The following KRT82 variants were observed in gnomAD, a reference collection of about 807,000 sequenced individuals.
KRT82 encodes keratin 82, also known as keratin, type II cuticular Hb2.
Under a neutral mutation model 48.0 loss-of-function variants are expected in KRT82, and 44 were observed. That is an observed-to-expected ratio of 0.92 (90% CI 0.72 to 1.18). The LOEUF (loss-of-function observed/expected upper bound fraction) is 1.18, where lower values mean the gene tolerates loss of function less well. Among genes scored for constraint, KRT82 ranks in the 50% most tolerant of loss-of-function variants. KRT82 has a pLI of 0.00. For synonymous variants in KRT82, 297 were observed against 278.3 expected, an observed-to-expected ratio of 1.07 and a Z score of -0.67; for missense variants, 701 against 671.4, an observed-to-expected ratio of 1.04 and a Z score of -0.49.
intron 5 of KRT82, among the ~76,000 whole-genome samples, chr12:52,398,588 T>C (rs1169030556): frequency 6.6e-6 from 1 of 151,976 alleles, no homozygotes; most frequent in Non-Finnish European, 1.5e-5. Context: ...AATGAGGTGG[T>C]TGTAATCCTG....
intron 5 of KRT82, among the ~76,000 whole-genome samples, chr12:52,399,312 C>G (rs777383849): frequency 2.6e-5 from 4 of 152,244 alleles, no homozygotes; most frequent in Non-Finnish European, 4.4e-5. Context: ...ATGAAAGCGA[C>G]ATGAAGGCAG....
In KRT82 at chr12:52,400,585, T is replaced by C; in HGVS notation, c.719A>G (p.Glu240Gly). The change falls in exon 4 of 9, where the codon GAG (glutamate) becomes GGG (glycine). Residue 240 changes from glutamate (E) to glycine (G), a missense_variant. Physicochemically the swap from Glu to Gly is moderately conservative, Grantham distance 98 (BLOSUM62 -2). Coordinates refer to ENST00000257974, the MANE Select transcript of KRT82 (RefSeq NM_033033.4). The stretch of plus-strand genomic sequence containing the variant: ...CTGCACGAGTGCCTCTGCGTTGGTC[T>C]CCAGGTCAGCCTTCATCAGGAAGGC... ...DTAFLMKADL[E>G]TNAEALVQEI... 1 of 1,614,070 alleles carries C rather than the reference T, an allele frequency of 6.2e-7. No homozygotes were observed. The highest frequency in any genetic ancestry group is 8.5e-7 in the Non-Finnish European group (1 of 1,179,958).
At position 52,403,892 on chromosome 12, in the gene KRT82, C is replaced by T; in HGVS notation, c.429G>A (p.Gln143=). ...SFINKVRFLE[Q]KNKLLETKWN... The stretch of plus-strand genomic sequence containing the variant: ...ACTTGGTCTCCAGCAGCTTGTTCTT[C>T]TGCTCCAGGAAACGGACCTGCAGCC... The change falls in exon 2 of 9, where the codon CAG becomes CAA. Residue 143 remains glutamine (Q), a synonymous_variant. Coordinates refer to ENST00000257974, the MANE Select transcript of KRT82 (RefSeq NM_033033.4). 1 of 1,613,898 alleles carries T rather than the reference C, an allele frequency of 6.2e-7. No homozygotes were observed. Among genetic ancestry groups the T allele is most frequent in the South Asian group, 1.1e-5 (1 of 91,072 alleles).
rs1939823376 is a variant in KRT82, at chr12:52,404,094, C to T, written c.412-185G>A. 2.0e-5 allele frequency among the ~76,000 whole-genome samples: 3 copies of T among 152,224 alleles called. No individual in the cohort carries two copies. In the South Asian group the frequency reaches 6.2e-4, roughly 31 times the overall value. ...GCATGTGTGTCTGTGTCTCCCCTGC[C>T]TGGGAGAGCCTAGTGGACCCCTACT... On this transcript the variant is annotated intron_variant, in intron 1 of 8. Transcript: ENST00000257974.
chr12:52,397,085 CT>C (rs755380667), intron 5 of KRT82, 77 bp from the exon 6 acceptor site: 108 of 1,548,332 alleles, frequency 7.0e-5, no homozygotes, highest in Non-Finnish European at 9.4e-5. Flanking sequence ...TGTTCCCAGT[CT>C]TTTCTCCCGT....
At chr12:52,402,417 C>T (rs888415700) in intron 2 of KRT82, 3 of 152,468 alleles carry the variant, frequency 2.0e-5, no homozygotes, top group African/African-American at 4.8e-5. Flanking sequence ...TCCAGCCCTC[C>T]CACAGCCTCA....
intron 5 of KRT82, 137 bp downstream of exon 5, chr12:52,399,848 G>A: frequency 1.1e-6 from 1 of 876,074 alleles, no homozygotes; most frequent in Non-Finnish European, 1.7e-6. Flanking sequence ...TGGGCTTTAT[G>A]GGATTCCCTG....
chr12:52,400,672 C>T, intron 3 of KRT82, 50 bp from the exon 4 acceptor site: 1 of 1,332,084 alleles, frequency 7.5e-7, no homozygotes, highest in Non-Finnish European at 1.1e-6. Context: ...ACCTCCCAGG[C>T]AAGCTGGTGG....
In KRT82 at chr12:52,394,735, G is replaced by A. The variant is rs911917760; in HGVS notation, c.*240C>T. 2.1e-5 allele frequency: 12 copies of A among 582,206 alleles called. No individual in the cohort carries two copies. The highest frequency in any genetic ancestry group is 8.2e-5 in the South Asian group (4 of 48,594). The allele number at this position is 582,206 out of a possible 1,614,324, so 36.1% of individuals were successfully genotyped here. On this transcript the variant is annotated 3_prime_UTR_variant, in exon 9 of 9. Coordinates refer to ENST00000257974, the MANE Select transcript of KRT82 (RefSeq NM_033033.4). ...GAGCAATGCATGCTCTTTCTCTGCC[G>A]TCTGTCCCCACCATCTGGGCCTAGC...
rs1400940077 is a variant in KRT82 at position 52,394,669 on chromosome 12, C to T, written c.*306G>A. 1 of 439,188 alleles carries T rather than the reference C, an allele frequency of 2.3e-6. No individual in the cohort carries two copies. Among genetic ancestry groups the T allele is most frequent in the Non-Finnish European group, 4.2e-6 (1 of 237,382 alleles). 27.2% of individuals were successfully genotyped at this position (439,188 alleles called of 1,614,324 possible). A position where few individuals can be genotyped will look rare whatever the true frequency, so the allele number is the denominator to read the frequency against. ...ATCCACAGAGCAGAACTGTGGTGTG[C>T]CCATTTGACCTTTTGGGGGTTATTG... On this transcript the variant is annotated 3_prime_UTR_variant, in exon 9 of 9. Coordinates refer to ENST00000257974, the MANE Select transcript of KRT82 (RefSeq NM_033033.4).
In KRT82 at chr12:52,394,723, T is replaced by A; in HGVS notation, c.*252A>T. On this transcript the variant is annotated 3_prime_UTR_variant, in exon 9 of 9. Coordinates refer to ENST00000257974, the MANE Select transcript of KRT82 (RefSeq NM_033033.4). The stretch of plus-strand genomic sequence containing the variant: ...TTCTGCGGTTAAGAGCAATGCATGC[T>A]CTTTCTCTGCCGTCTGTCCCCACCA... 1 of 572,018 alleles carries A rather than the reference T, an allele frequency of 1.7e-6. No individual in the cohort carries two copies. 35.4% of individuals were successfully genotyped at this position (572,018 alleles called of 1,614,324 possible).
intron 5 of KRT82, 137 bp from the exon 6 acceptor site, chr12:52,397,145 T>G: frequency 1.8e-6 from 2 of 1,132,758 alleles, no homozygotes; most frequent in Admixed American, 2.6e-5. Flanking sequence ...TTCTGCTCCT[T>G]TACCTTCTTC....
intron 1 of KRT82, among the ~76,000 whole-genome samples, chr12:52,405,581 C>T (rs1424790598): frequency 2.0e-5 from 3 of 152,184 alleles, no homozygotes; most frequent in Non-Finnish European, 4.4e-5. Context: ...TTTGGAAGTT[C>T]CTCTTATAGT....
chr12:52,406,000 GTGA>G lies in KRT82; in HGVS notation c.275_277del (p.Ile92del). 6.2e-7 allele frequency: 1 copy of G among 1,614,250 alleles called. No individual in the cohort carries two copies. Among genetic ancestry groups the G allele is most frequent in the Non-Finnish European group, 8.5e-7 (1 of 1,180,038 alleles). On this transcript the variant is annotated inframe_deletion, in exon 1 of 9. Coordinates refer to ENST00000257974, the MANE Select transcript of KRT82 (RefSeq NM_033033.4). ...CAGGCTCTCATTGATGGTGACAGGG[GTGA>G]TGCAGGCAGAAGGCCCACAGGTGGC...
At chr12:52,400,747 G>C in intron 3 of KRT82, 125 bp from the exon 4 acceptor site, 2 of 670,448 alleles carry the variant, frequency 3.0e-6, no homozygotes, top group Non-Finnish European at 5.2e-6. Flanking sequence ...GGGTGATGGA[G>C]CCGAGGTGGG....
chr12:52,394,854 G>C lies in KRT82; in HGVS notation c.*121C>G. The C allele has an allele frequency of 1.2e-6, 1 of 839,570 alleles. No homozygotes were observed. Among genetic ancestry groups the C allele is most frequent in the Non-Finnish European group, 2.0e-6 (1 of 512,080 alleles). The allele number at this position is 839,570 out of a possible 1,614,324, so 52.0% of individuals were successfully genotyped here. On this transcript the variant is annotated 3_prime_UTR_variant, in exon 9 of 9. Coordinates refer to ENST00000257974, the MANE Select transcript of KRT82 (RefSeq NM_033033.4). ...GCTCTCAAGGAGGGAACACTGGAGG[G>C]GAATGTGGAGTCAATAAAGGGAGGT...
intron 1 of KRT82, among the ~76,000 whole-genome samples, chr12:52,404,127 C>CA (rs1222005596): frequency 6.6e-6 from 1 of 152,196 alleles, no homozygotes; most frequent in Admixed American, 6.5e-5. Context: ...ACTTTCCACT[C>CA]AGAGGTTGCG....
rs907072011 is a variant in KRT82 at position 52,395,992 on chromosome 12, C to T, written c.1289+20G>A. The T allele has an allele frequency of 1.2e-6, 2 of 1,613,514 alleles. No homozygotes were observed. The highest frequency in any genetic ancestry group is 2.7e-5 in the African/African-American group (2 of 74,908). On this transcript the variant is annotated intron_variant, in intron 7 of 8. Coordinates refer to ENST00000257974, the MANE Select transcript of KRT82 (RefSeq NM_033033.4). ...CCATACCTGGTAGCCCATCTTTGAC[C>T]CCCTCCTGGAGGAGCTCACCTGTGC...
Position 52,394,912 on chromosome 12 carries a change from G to A in KRT82, c.*63C>T, listed in dbSNP as rs1370246399. The A allele has an allele frequency of 7.2e-7, 1 of 1,380,052 alleles. No individual in the cohort carries two copies. The highest frequency in any genetic ancestry group is 1.4e-5 in the African/African-American group (1 of 70,296). The allele number at this position is 1,380,052 out of a possible 1,614,324, so 85.5% of individuals were successfully genotyped here. On this transcript the variant is annotated 3_prime_UTR_variant, in exon 9 of 9. Transcript: ENST00000257974. ...TGGAACATCCTTGTCTTCAGCCCTGGTGGGAGTGTGACATCCAGGGCCATG... is the reference window on the plus strand; with the variant it reads ...TGGAACATCCTTGTCTTCAGCCCTGATGGGAGTGTGACATCCAGGGCCATG...
Sources: gnomAD v4.1 joint callset for allele counts (sites outside exome capture counted in the v4.1 genomes callset) on GRCh38, gnomAD v4.1.1 for gene constraint, MANE v1.5 for transcripts, NCBI Gene and HGNC (gene_info 2026-07-23, HGNC 2026-07-21) for gene names.